The following STAT1 variants were observed in gnomAD, a reference collection of about 807,000 sequenced individuals.
STAT1 encodes signal transducer and activator of transcription 1-alpha/beta.
In STAT1, 24 loss-of-function variants were observed where a neutral mutation model predicts 111.7. The observed-to-expected ratio is 0.21, with a 90% CI of 0.16 to 0.30. The LOEUF (loss-of-function observed/expected upper bound fraction) is 0.30, where lower values mean the gene tolerates loss of function less well. Among genes scored for constraint, STAT1 ranks in the 10% least tolerant of loss-of-function variants. The probability of loss-of-function intolerance (pLI) is 1.00; values close to 1 mark genes in which losing one functional copy is unlikely to be tolerated. For synonymous variants in STAT1, 332 were observed against 326.5 expected (o/e 1.02, Z -0.18); for missense variants, 351 against 911.9 (o/e 0.38, Z 7.92).
chr2:190,969,340 A>G lies in STAT1; in HGVS notation c.*1363T>C, dbSNP rs1266013997. ...ATACAGATACTTTAGCTTTAATTTT[A>G]AAACAAAACTCAAGAAATCTTTATC... is the stretch of plus-strand genomic sequence containing the variant. On this transcript the variant is annotated 3_prime_UTR_variant, in exon 25 of 25. Transcript: ENST00000361099. The G allele has an allele frequency of 6.6e-6, 1 of 152,202 alleles. No individual in the cohort carries two copies. The highest frequency in any genetic ancestry group is 2.4e-5 in the African/African-American group (1 of 41,456). The allele number at this position is 152,202 out of a possible 1,614,324, so 9.4% of individuals were successfully genotyped here.
chr2:190,978,529 C>G lies in STAT1; in HGVS notation c.1873+327G>C. 1 of 385,932 alleles carries G rather than the reference C, an allele frequency of 2.6e-6. No individual in the cohort carries two copies. The highest frequency in any genetic ancestry group is 2.1e-5 in the South Asian group (1 of 47,328). 23.9% of individuals were successfully genotyped at this position (385,932 alleles called of 1,614,324 possible). On this transcript the variant is annotated intron_variant, in intron 21 of 24. Transcript: ENST00000361099. This position sits in a 1 kb window ranked among gnomAD's most constrained non-coding sequence, Gnocchi z 6.1. ...CCCTAAGAGAATGTGGATGCTTACTCCTGTGGGAAATGTGATTCCTTCCAA... is the reference window on the plus strand; with the variant it reads ...CCCTAAGAGAATGTGGATGCTTACTGCTGTGGGAAATGTGATTCCTTCCAA...
intron 2 of STAT1, among the ~76,000 whole-genome samples, chr2:191,011,984 C>T (rs1695163439): frequency 6.6e-6 from 1 of 151,354 alleles, no homozygotes; most frequent in African/African-American, 2.4e-5. Context: ...CACCTGACCT[C>T]AGGCAATCCT....
At position 191,004,493 on chromosome 2, in the gene STAT1, A is replaced by G. The variant is rs1363275505; in HGVS notation, c.372+3070T>C. 6.6e-6 allele frequency among the ~76,000 whole-genome samples: 1 copy of G among 152,222 alleles called. No individual in the cohort carries two copies. Among genetic ancestry groups the G allele is most frequent in the Non-Finnish European group, 1.5e-5 (1 of 68,038 alleles). Reference sequence around the variant, plus strand: ...GCACTCCATGGGTGTGAGAAGTTCCAGCCAGAAAGCCCTCATATCCCATCC... The same window carrying G: ...GCACTCCATGGGTGTGAGAAGTTCCGGCCAGAAAGCCCTCATATCCCATCC... On this transcript the variant is annotated intron_variant, in intron 5 of 24. Transcript: ENST00000361099. The surrounding 1 kb of genome is among the most constrained non-coding windows in gnomAD (Gnocchi z 5.0).
rs1365987295 is a variant in STAT1 at position 190,970,010 on chromosome 2, A to G, written c.*693T>C. 1 of 153,696 alleles carries G rather than the reference A, an allele frequency of 6.5e-6. No homozygotes were observed. The highest frequency in any genetic ancestry group is 2.4e-5 in the African/African-American group (1 of 41,444). The allele number at this position is 153,696 out of a possible 1,614,324, so 9.5% of individuals were successfully genotyped here. A position where few individuals can be genotyped will look rare whatever the true frequency, so the allele number is the denominator to read the frequency against. On this transcript the variant is annotated 3_prime_UTR_variant, in exon 25 of 25. Coordinates refer to ENST00000361099, the MANE Select transcript of STAT1 (RefSeq NM_007315.4). The surrounding 1 kb of genome is among the most constrained non-coding windows in gnomAD (Gnocchi z 5.4). ...TGAATTTGGAAATGTACATCCTTCTATTGATATTAGCTAGTGTCATTAAGC... is the reference window on the plus strand; with the variant it reads ...TGAATTTGGAAATGTACATCCTTCTGTTGATATTAGCTAGTGTCATTAAGC...
chr2:190,975,443 A>C lies in STAT1; in HGVS notation c.2135+369T>G, dbSNP rs2124995167. ...TCCAAAATTTTTTCTACCTTTTATA[A>C]AATGAAACAACAAAATCAAAGCAAG... On this transcript the variant is annotated intron_variant, in intron 23 of 24. Transcript: ENST00000361099. This position sits in a 1 kb window ranked among gnomAD's most constrained non-coding sequence, Gnocchi z 5.9. 5.8e-6 allele frequency: 5 copies of C among 868,936 alleles called. No homozygotes were observed. The East Asian group carries it at 1.7e-4, about 29-fold the overall frequency. 53.8% of individuals were successfully genotyped at this position (868,936 alleles called of 1,614,324 possible).
At chr2:191,001,692 C>T (rs1260282366) in intron 5 of STAT1, among the ~76,000 whole-genome samples, 1 of 152,194 alleles carries the variant, frequency 6.6e-6, no homozygotes, top group Non-Finnish European at 1.5e-5. Context: ...CAATGAAAAT[C>T]TGCTACTATA....
Position 190,976,950 on chromosome 2 carries a change from T to C in STAT1, c.1949A>G (p.Asn650Ser), listed in dbSNP as rs776429557. 1 of 1,614,210 alleles carries C rather than the reference T, an allele frequency of 6.2e-7. No individual in the cohort carries two copies. Among genetic ancestry groups the C allele is most frequent in the South Asian group, 1.1e-5 (1 of 91,084 alleles). ...ATTCTCAGCAGCCATGACTTTGTAA[T>C]TGCGAATGATGTCAGGGAAAGTAAC... ...SAVTFPDIIR[N>S]YKVMAAENIP... The change falls in exon 22 of 25, where the codon AAT (asparagine) becomes AGT (serine). Residue 650 changes from asparagine to serine, a missense_variant. By Grantham distance (46) the Asn-to-Ser change is conservative. Transcript: ENST00000361099. This position sits in a 1 kb window ranked among gnomAD's most constrained non-coding sequence, Gnocchi z 6.0.
rs1288637088 is a variant in STAT1 at position 190,978,935 on chromosome 2, G to A, written c.1794C>T (p.Thr598=). 1.2e-6 allele frequency: 2 copies of A among 1,614,062 alleles called. No individual in the cohort carries two copies. Among genetic ancestry groups the A allele is most frequent in the Non-Finnish European group, 1.7e-6 (2 of 1,180,028 alleles). The change falls in exon 21 of 25, where the codon ACC becomes ACT. Residue 598 remains threonine, a synonymous_variant. Transcript: ENST00000361099. This position sits in a 1 kb window ranked among gnomAD's most constrained non-coding sequence, Gnocchi z 6.1. The stretch of plus-strand genomic sequence containing the variant: ...AGCTCTCACTGAACCGCAGCAGGAA[G>A]GTCCCCGGCTGCTGGTCCTTCAACA... ...RALLKDQQPG[T]FLLRFSESSR...
intron 4 of STAT1, 76 bp downstream of exon 4, chr2:191,008,887 G>T: frequency 1.3e-6 from 2 of 1,506,670 alleles, no homozygotes. Flanking sequence ...GTGCTCAATT[G>T]TATTTGCTGA....
rs1694695547 is a variant in STAT1 at position 191,006,353 on chromosome 2, T to C, written c.372+1210A>G. Reference sequence around the variant, plus strand: ...TCCCTAGGCTGGGTACCAGATGAGCTAGCCAGCTTGAGTTTAGAATAAGCA... The same window carrying C: ...TCCCTAGGCTGGGTACCAGATGAGCCAGCCAGCTTGAGTTTAGAATAAGCA... On this transcript the variant is annotated intron_variant, in intron 5 of 24. Coordinates refer to ENST00000361099, the MANE Select transcript of STAT1 (RefSeq NM_007315.4). The surrounding 1 kb of genome is among the most constrained non-coding windows in gnomAD (Gnocchi z 4.6). Among the ~76,000 whole-genome samples, 1 of 152,206 alleles carries C rather than the reference T, an allele frequency of 6.6e-6. No homozygotes were observed. The highest frequency in any genetic ancestry group is 2.4e-5 in the African/African-American group (1 of 41,450).
chr2:190,989,753 G>T lies in STAT1; in HGVS notation c.1038-79C>A, dbSNP rs761989735. ...TTTATTATGCCAATTCCCTATTAAC[G>T]TTTAGATAAACTACTCCCCCTCCAG... On this transcript the variant is annotated intron_variant, in intron 11 of 24. Transcript: ENST00000361099. This position sits in a 1 kb window ranked among gnomAD's most constrained non-coding sequence, Gnocchi z 5.0. 1.9e-6 allele frequency: 2 copies of T among 1,063,968 alleles called. No individual in the cohort carries two copies. The highest frequency in any genetic ancestry group is 1.4e-5 in the South Asian group (1 of 70,530). The allele number at this position is 1,063,968 out of a possible 1,614,324, so 65.9% of individuals were successfully genotyped here.
chr2:191,009,722 G>T (rs1246477465), intron 3 of STAT1, among the ~76,000 whole-genome samples, 154 bp downstream of exon 3: 1 of 152,150 alleles, frequency 6.6e-6, no homozygotes, highest in Non-Finnish European at 1.5e-5. Context: ...CAACTTTGTT[G>T]AGTCATTTTT....
At position 190,989,060 on chromosome 2, in the gene STAT1, A is replaced by T. The variant is rs1240136296; in HGVS notation, c.1097+555T>A. Among the ~76,000 whole-genome samples, 2 of 152,012 alleles carry T rather than the reference A, an allele frequency of 1.3e-5. No individual in the cohort carries two copies. Among genetic ancestry groups the T allele is most frequent in the Non-Finnish European group, 2.9e-5 (2 of 67,994 alleles). On this transcript the variant is annotated intron_variant, in intron 12 of 24. Coordinates refer to ENST00000361099, the MANE Select transcript of STAT1 (RefSeq NM_007315.4). The surrounding 1 kb of genome is among the most constrained non-coding windows in gnomAD (Gnocchi z 5.0). ...GGGTTCCCACTGCCCAGAAGAGACA[A>T]GAGTGAATCCCACAGGCTCCACACA...
At position 191,006,047 on chromosome 2, in the gene STAT1, C is replaced by T. The variant is rs1378073686; in HGVS notation, c.372+1516G>A. Among the ~76,000 whole-genome samples, 2 of 152,236 alleles carry T rather than the reference C, an allele frequency of 1.3e-5. No individual in the cohort carries two copies. The highest frequency in any genetic ancestry group is 4.1e-4 in the South Asian group (2 of 4,832). On this transcript the variant is annotated intron_variant, in intron 5 of 24. Transcript: ENST00000361099. This position sits in a 1 kb window ranked among gnomAD's most constrained non-coding sequence, Gnocchi z 4.6. The stretch of plus-strand genomic sequence containing the variant: ...AGAGCAGGGGTCACCTACTCTGCTG[C>T]CAATGCCATCTCTGGGCCAAGGGGC...
rs1691513303 is a variant in STAT1 at position 190,971,957 on chromosome 2, C to G, written c.2239-1240G>C. On this transcript the variant is annotated intron_variant, in intron 24 of 24. Coordinates refer to ENST00000361099, the MANE Select transcript of STAT1 (RefSeq NM_007315.4). This position sits in a 1 kb window ranked among gnomAD's most constrained non-coding sequence, Gnocchi z 4.1. ...CAAACTCCTGATCGCAGGTGATCCA[C>G]CTGCCCCGGCCTCCCAAAATGTTGA... Among the ~76,000 whole-genome samples the G allele has an allele frequency of 6.6e-6, 1 of 152,184 alleles. No homozygotes were observed. Among genetic ancestry groups the G allele is most frequent in the African/African-American group, 2.4e-5 (1 of 41,438 alleles).
At position 190,989,056 on chromosome 2, in the gene STAT1, G is replaced by A. The variant is rs2125042392; in HGVS notation, c.1097+559C>T. Among the ~76,000 whole-genome samples the A allele has an allele frequency of 6.6e-6, 1 of 151,956 alleles. No individual in the cohort carries two copies. Among genetic ancestry groups the A allele is most frequent in the South Asian group, 2.1e-4 (1 of 4,784 alleles). ...TCCTGGGTTCCCACTGCCCAGAAGA[G>A]ACAAGAGTGAATCCCACAGGCTCCA... On this transcript the variant is annotated intron_variant, in intron 12 of 24. Coordinates refer to ENST00000361099, the MANE Select transcript of STAT1 (RefSeq NM_007315.4). This position sits in a 1 kb window ranked among gnomAD's most constrained non-coding sequence, Gnocchi z 5.0.
Position 190,983,635 on chromosome 2 carries a change from T to C in STAT1, c.1446+7A>G. On this transcript the variant is annotated splice_region_variant and intron_variant, in intron 17 of 24. Coordinates refer to ENST00000361099, the MANE Select transcript of STAT1 (RefSeq NM_007315.4). This position sits in a 1 kb window ranked among gnomAD's most constrained non-coding sequence, Gnocchi z 5.7. ...CCCTGGGACCAAAGCAAATGTGTTT[T>C]CCATACCCTGGGTTCCGCCACCAGC... is the stretch of plus-strand genomic sequence containing the variant. 1 of 1,613,832 alleles carries C rather than the reference T, an allele frequency of 6.2e-7. No homozygotes were observed. The highest frequency in any genetic ancestry group is 1.1e-5 in the South Asian group (1 of 91,074).
In STAT1 at chr2:190,977,644, C is replaced by T. The variant is rs1388050407; in HGVS notation, c.1874-619G>A. Among the ~76,000 whole-genome samples, 2 of 152,146 alleles carry T rather than the reference C, an allele frequency of 1.3e-5. No individual in the cohort carries two copies. Among genetic ancestry groups the T allele is most frequent in the African/African-American group, 2.4e-5 (1 of 41,422 alleles). ...TTGGGTGTCGACCTTCCAGAGGCCA[C>T]GGTTCAGGTGTTCTGGGGAGCCTGC... On this transcript the variant is annotated intron_variant, in intron 21 of 24. Coordinates refer to ENST00000361099, the MANE Select transcript of STAT1 (RefSeq NM_007315.4). The surrounding 1 kb of genome is among the most constrained non-coding windows in gnomAD (Gnocchi z 4.7).
At position 190,976,784 on chromosome 2, in the gene STAT1, AC is replaced by A; in HGVS notation, c.2059+55del. 1 of 1,463,222 alleles carries A rather than the reference AC, an allele frequency of 6.8e-7. No individual in the cohort carries two copies. Among genetic ancestry groups the A allele is most frequent in the Non-Finnish European group, 9.6e-7 (1 of 1,043,132 alleles). 90.6% of individuals were successfully genotyped at this position (1,463,222 alleles called of 1,614,324 possible). ...GCATGGGTGGAGTTTCAGAATAATC[AC>A]CCCCTCATCAGGAAAGACTGTGCCA... is the stretch of plus-strand genomic sequence containing the variant. On this transcript the variant is annotated intron_variant, in intron 22 of 24. Transcript: ENST00000361099. This position sits in a 1 kb window ranked among gnomAD's most constrained non-coding sequence, Gnocchi z 6.0.
Sources: gnomAD v4.1 joint callset for allele counts (sites outside exome capture counted in the v4.1 genomes callset) on GRCh38, gnomAD v4.1.1 for gene constraint, Gnocchi (gnomAD v3.1) non-coding constraint, MANE v1.5 for transcripts, NCBI Gene and HGNC (gene_info 2026-07-23, HGNC 2026-07-21) for gene names.